The following CCR6 variants were observed in gnomAD, a reference collection of about 807,000 sequenced individuals.
CCR6 encodes the protein C-C chemokine receptor type 6.
A neutral mutation model predicts 3.0 loss-of-function variants in CCR6; 2 were observed. The observed-to-expected ratio is 0.66, with a 90% CI of 0.27 to 2.07. The LOEUF (loss-of-function observed/expected upper bound fraction) is 2.07. Ranked by LOEUF, CCR6 falls within the 30% of genes most tolerant of loss-of-function variation. The probability of loss-of-function intolerance (pLI) is 0.14; values close to 1 mark genes in which losing one functional copy is unlikely to be tolerated. For missense variants in CCR6, 322 were observed against 462.8 expected (o/e 0.70, Z 2.79); for synonymous variants, 193 against 184.3 (o/e 1.05, Z -0.38).
At position 167,130,978 on chromosome 6, in the gene CCR6, C is replaced by CCTCCCTCTGACCCCCTCCCTCTGGGACCT. The variant is rs1247801285; in HGVS notation, c.-97-5051_-97-5050insACCCCCTCCCTCTGGGACCTCTCCCTCTG. Among the ~76,000 whole-genome samples the CCTCCCTCTGACCCCCTCCCTCTGGGACCT allele has an allele frequency of 4.0e-3, 519 of 129,078 alleles. 10 individuals are homozygous for CCTCCCTCTGACCCCCTCCCTCTGGGACCT. The highest frequency in any genetic ancestry group is 0.015 in the African/African-American group (480 of 32,222). 84.7% of individuals were successfully genotyped at this position (129,078 alleles called of 152,430 possible). ...CCGGGACTCCTCCCTCTGGGACCACCCTCCCTCTGGACCCCCTCCCTTTGG... is the reference window on the plus strand; with the variant it reads ...CCGGGACTCCTCCCTCTGGGACCACCCTCCCTCTGACCCCCTCCCTCTGGGACCTCTCCCTCTGGACCCCCTCCCTTTGG... On this transcript the variant is annotated intron_variant, in intron 1 of 2. Coordinates refer to ENST00000341935, the MANE Select transcript of CCR6 (RefSeq NM_031409.4).
chr6:167,121,914 G>T (rs538199517), upstream of CCR6, among the ~76,000 whole-genome samples: 45 of 152,266 alleles, frequency 3.0e-4, no homozygotes, highest in Non-Finnish European at 5.9e-4. Flanking sequence ...GAGCCACTGG[G>T]GCCAGCAGAG....
intron 1 of CCR6, among the ~76,000 whole-genome samples, chr6:167,123,869 T>C (rs1397624197): frequency 1.3e-5 from 2 of 152,182 alleles, no homozygotes; most frequent in Non-Finnish European, 2.9e-5. Context: ...CTCAGCACTT[T>C]GGGAGACCAA....
Position 167,136,323 on chromosome 6 carries a change from T to G in CCR6, c.93T>G (p.Ser31=), listed in dbSNP as rs746424070. Residue 31 remains serine (S), a synonymous_variant, in exon 3 of 3, where the codon TCT becomes TCG. Coordinates refer to ENST00000341935, the MANE Select transcript of CCR6 (RefSeq NM_031409.4). The surrounding 1 kb of genome is among the most constrained non-coding windows in gnomAD (Gnocchi z 4.6). Reference sequence around the variant, plus strand: ...ATACTTCATATTACTCAGTTGATTCTGAGATGTTACTGTGCTCCTTGCAGG... The same window carrying G: ...ATACTTCATATTACTCAGTTGATTCGGAGATGTTACTGTGCTCCTTGCAGG... The part of the protein sequence containing the change: ...SVNTSYYSVD[S]EMLLCSLQEV... 2.5e-6 allele frequency: 4 copies of G among 1,613,902 alleles called. No individual in the cohort carries two copies. In the East Asian group the frequency reaches 6.7e-5, roughly 27 times the overall value.
rs1464742309 is a variant in CCR6, at chr6:167,138,889, A to G, written c.*1534A>G. ...GGTTGCAGTGAGCCGAGATCGTGCC[A>G]TTGCACTCCAGCCTGGGTGACAAAG... On this transcript the variant is annotated 3_prime_UTR_variant, in exon 3 of 3. Transcript: ENST00000341935. 1 of 126,830 alleles carries G rather than the reference A, an allele frequency of 7.9e-6. No homozygotes were observed. The highest frequency in any genetic ancestry group is 1.6e-5 in the Non-Finnish European group (1 of 63,614). 7.9% of individuals were successfully genotyped at this position (126,830 alleles called of 1,614,324 possible). A position where few individuals can be genotyped will look rare whatever the true frequency, so the allele number is the denominator to read the frequency against.
chr6:167,112,608 T>C (rs968334), intron 1 of CCR6, among the ~76,000 whole-genome samples: 91,837 of 151,876 alleles, frequency 0.6, 28,025 homozygotes, highest in African/African-American at 0.68. Context: ...TGCTGCAGAA[T>C]GGGGGGTGCT....
At position 167,133,932 on chromosome 6, in the gene CCR6, G is replaced by GTGTGTATATATATATATA. The variant is rs1183741225; in HGVS notation, c.-97-2105_-97-2104insGTGTATATATATATATAT. Among the ~76,000 whole-genome samples, 63 of 110,380 alleles carry GTGTGTATATATATATATA rather than the reference G, an allele frequency of 5.7e-4. 2 individuals are homozygous for GTGTGTATATATATATATA. The highest frequency in any genetic ancestry group is 1.4e-3 in the South Asian group (5 of 3,468). 72.4% of individuals were successfully genotyped at this position (110,380 alleles called of 152,430 possible). On this transcript the variant is annotated intron_variant, in intron 1 of 2. Coordinates refer to ENST00000341935, the MANE Select transcript of CCR6 (RefSeq NM_031409.4). ...ATACTATTATATATGATATATGTGT[G>GTGTGTATATATATATATA]TATATATATATATATATATATATAT...
chr6:167,118,006 C>T (rs1198382934), upstream of CCR6, among the ~76,000 whole-genome samples: 1 of 150,082 alleles, frequency 6.7e-6, no homozygotes, highest in Non-Finnish European at 1.5e-5. Flanking sequence ...ATCCTCTGGC[C>T]ACTTCTGAAG....
chr6:167,128,904 T>A (rs960025026), intron 1 of CCR6, among the ~76,000 whole-genome samples: 1 of 152,226 alleles, frequency 6.6e-6, no homozygotes, highest in Non-Finnish European at 1.5e-5. Flanking sequence ...GAGAAGCTTC[T>A]ATTTTCCCTA....
rs970147769 is a variant in CCR6, at chr6:167,136,010, A to G, written c.-97-28A>G. ...CTCCAGGAATACCTGTGTTAACTGT[A>G]GTGCATTTTGCCTTCTTTCCTTCTT... On this transcript the variant is annotated intron_variant, in intron 1 of 2. Transcript: ENST00000341935. The surrounding 1 kb of genome is among the most constrained non-coding windows in gnomAD (Gnocchi z 4.6). The G allele has an allele frequency of 2.1e-6, 2 of 967,790 alleles. No homozygotes were observed. The highest frequency in any genetic ancestry group is 3.3e-5 in the African/African-American group (2 of 61,050). 60.0% of individuals were successfully genotyped at this position (967,790 alleles called of 1,614,324 possible). A position where few individuals can be genotyped will look rare whatever the true frequency, so the allele number is the denominator to read the frequency against.
intron 1 of CCR6, among the ~76,000 whole-genome samples, chr6:167,113,828 G>C (rs1289048962): frequency 1.3e-5 from 2 of 152,226 alleles, no homozygotes; most frequent in African/African-American, 2.4e-5. Flanking sequence ...CTGCGTTAGA[G>C]AGGATGGGGC....
intron 1 of CCR6, chr6:167,112,024 T>A (rs1184766741): frequency 6.6e-6 from 1 of 152,356 alleles, no homozygotes; most frequent in East Asian, 1.9e-4. Flanking sequence ...GGTAAGTTTT[T>A]TTTTTGTCTT....
rs1230787448 is a variant in CCR6 at position 167,133,930 on chromosome 6, GTGTATATATATA to G, written c.-97-2106_-97-2095del. ...TGATACTATTATATATGATATATGT[GTGTATATATATA>G]TATATATATATATATATATATATAT... is the stretch of plus-strand genomic sequence containing the variant. On this transcript the variant is annotated intron_variant, in intron 1 of 2. Coordinates refer to ENST00000341935, the MANE Select transcript of CCR6 (RefSeq NM_031409.4). 2.5e-3 allele frequency among the ~76,000 whole-genome samples: 74 copies of G among 29,050 alleles called. 1 individual carries two copies. Among genetic ancestry groups the G allele is most frequent in the African/African-American group, 8.1e-3 (68 of 8,414 alleles). 19.1% of individuals were successfully genotyped at this position (29,050 alleles called of 152,430 possible).
In CCR6 at chr6:167,117,480, G is replaced by A. The variant is rs376651202; in HGVS notation, c.-98+5466G>A. On this transcript the variant is annotated intron_variant, in intron 1 of 2. Transcript: ENST00000400926. ...CGCCCAGGCTGGAGCGCAGTGGCAC[G>A]ATCTCGACTCACTGCAAGCTCCGCC... 6.3e-3 allele frequency among the ~76,000 whole-genome samples: 829 copies of A among 130,756 alleles called. 18 individuals are homozygous for A. Among genetic ancestry groups the A allele is most frequent in the African/African-American group, 0.023 (793 of 34,108 alleles). The allele number at this position is 130,756 out of a possible 152,430, so 85.8% of individuals were successfully genotyped here.
chr6:167,122,357 T>A (rs1582994569), upstream of CCR6, among the ~76,000 whole-genome samples: 1 of 152,236 alleles, frequency 6.6e-6, no homozygotes, highest in African/African-American at 2.4e-5. The surrounding 1 kb of genome is among the most constrained non-coding windows in gnomAD (Gnocchi z 4.2). Flanking sequence ...CATCTACAAA[T>A]AAATTTCTGA....
intron 1 of CCR6, chr6:167,117,196 C>T (rs578080003): frequency 6.6e-6 from 1 of 152,032 alleles, no homozygotes; most frequent in Non-Finnish European, 1.5e-5. Flanking sequence ...CCCTCCCCAC[C>T]ACCGTCCCCG....
intron 1 of CCR6, among the ~76,000 whole-genome samples, chr6:167,117,407 T>C (rs947233160): frequency 3.0e-5 from 4 of 132,040 alleles, no homozygotes; most frequent in Non-Finnish European, 6.3e-5. Flanking sequence ...TATTTTCTTT[T>C]TTTTTTTCTT....
intron 1 of CCR6, among the ~76,000 whole-genome samples, chr6:167,130,086 ATCAGTTGAGCTGAATGTAT>A (rs1781729363): frequency 6.6e-6 from 1 of 151,758 alleles, no homozygotes; most frequent in Admixed American, 6.6e-5. Context: ...CACTTTAAGA[ATCAGTTGAGCTGAATGTAT>A]TTTACATGTG....
chr6:167,133,324 T>C (rs905485368), intron 1 of CCR6, among the ~76,000 whole-genome samples: 44 of 152,238 alleles, frequency 2.9e-4, no homozygotes, highest in African/African-American at 1.1e-3. Flanking sequence ...GATCGACTTT[T>C]TGTTCATGTC....
chr6:167,118,367 C>T (rs1244409971), upstream of CCR6, among the ~76,000 whole-genome samples: 1 of 152,172 alleles, frequency 6.6e-6, no homozygotes, highest in Admixed American at 6.5e-5. Context: ...CGATTCTTGA[C>T]ATGAGTCTAA....
Sources: gnomAD v4.1 joint callset for allele counts (sites outside exome capture counted in the v4.1 genomes callset) on GRCh38, gnomAD v4.1.1 for gene constraint, Gnocchi (gnomAD v3.1) non-coding constraint, MANE v1.5 for transcripts, NCBI Gene and HGNC (gene_info 2026-07-23, HGNC 2026-07-21) for gene names.